The following TEX11 variants were observed in gnomAD, a reference collection of about 807,000 sequenced individuals.
TEX11 encodes testis expressed 11, also known as testis-expressed protein 11.
In TEX11, 7 loss-of-function variants were observed where a neutral mutation model predicts 84.4. That is an observed-to-expected ratio of 0.08 (90% CI 0.05 to 0.16). TEX11 has a LOEUF of 0.16. Among genes scored for constraint, TEX11 ranks in the 10% least tolerant of loss-of-function variants. TEX11 has a pLI of 1.00. For missense variants in TEX11, 551 were observed against 660.5 expected, an observed-to-expected ratio of 0.83 and a Z score of 1.82; for synonymous variants, 264 against 222.8, an observed-to-expected ratio of 1.18 and a Z score of -1.64.
intron 9 of TEX11, among the ~76,000 whole-genome samples, chrX:70,752,361 C>T (rs979492929): frequency 2.8e-5 from 3 of 108,533 alleles, no homozygotes; most frequent in African/African-American, 1.0e-4. Context: ...CCCTTCTCTA[C>T]CAAAAATACA....
intron 16 of TEX11, among the ~76,000 whole-genome samples, chrX:70,659,062 A>C (rs1276947072): frequency 8.9e-6 from 1 of 112,259 alleles, no homozygotes; most frequent in Non-Finnish European, 1.9e-5. Flanking sequence ...TTAACTCAAC[A>C]TGGATTAAAG....
At chrX:70,826,288 G>A (rs1167531356) in intron 8 of TEX11, among the ~76,000 whole-genome samples, 1 of 105,786 alleles carries the variant, frequency 9.5e-6, no homozygotes, top group Non-Finnish European at 1.9e-5. Context: ...TCCAGCCTGG[G>A]CAACAAGAGC....
chrX:70,719,760 C>T (rs1451248831), intron 13 of TEX11, among the ~76,000 whole-genome samples: 3 of 111,875 alleles, frequency 2.7e-5, no homozygotes, highest in South Asian at 3.7e-4. Context: ...CCAAAAGATA[C>T]GTGAAAAAAT....
intron 20 of TEX11, among the ~76,000 whole-genome samples, chrX:70,611,254 G>C (rs1335798824): frequency 1.8e-5 from 2 of 112,053 alleles, no homozygotes; most frequent in East Asian, 5.6e-4. Context: ...TGAAAAATTA[G>C]TAACTCTTCT....
Position 70,662,076 on chromosome X carries a change from G to A in TEX11, c.1380+8301C>T, listed in dbSNP as rs181409638. ...ACGATCAAACTACTCCGAGCTAAAG[G>A]AGGACATTCAAACCCATGGCAAATA... On this transcript the variant is annotated intron_variant, in intron 16 of 29. Coordinates refer to ENST00000374333, the MANE Select transcript of TEX11 (RefSeq NM_031276.3). Among the ~76,000 whole-genome samples, 569 of 111,653 alleles carry A rather than the reference G, an allele frequency of 5.1e-3. 4 individuals carry two copies. Among genetic ancestry groups the A allele is most frequent in the African/African-American group, 0.018 (539 of 30,704 alleles).
chrX:70,870,684 T>A (rs1399377245), intron 4 of TEX11, among the ~76,000 whole-genome samples: 1 of 111,814 alleles, frequency 8.9e-6, no homozygotes, highest in Non-Finnish European at 1.9e-5. Context: ...CTATCCCTAT[T>A]CTTTTTATTT....
At chrX:70,840,743 T>C (rs1368269458) in intron 7 of TEX11, among the ~76,000 whole-genome samples, 7 of 111,704 alleles carry the variant, frequency 6.3e-5, no homozygotes, top group Admixed American at 3.8e-4. Context: ...CCATCTCATG[T>C]GCAGAGACAC....
chrX:70,743,248 T>G (rs2090745481), intron 10 of TEX11, among the ~76,000 whole-genome samples: 1 of 112,234 alleles, frequency 8.9e-6, no homozygotes, highest in East Asian at 2.8e-4. Context: ...GGATAATATT[T>G]CATTGTAGTC....
intron 15 of TEX11, among the ~76,000 whole-genome samples, chrX:70,678,553 A>T (rs770977998): frequency 1.0e-4 from 11 of 110,084 alleles, no homozygotes; most frequent in African/African-American, 3.3e-4. Context: ...TTACATTCTT[A>T]TATCTTAATA....
At chrX:70,630,809 G>T (rs2089502925) in intron 17 of TEX11, among the ~76,000 whole-genome samples, 1 of 111,898 alleles carries the variant, frequency 8.9e-6, no homozygotes, top group African/African-American at 3.2e-5. Context: ...AAAATTGATT[G>T]AAAGAAGAGG....
At chrX:70,661,496 C>G (rs2089926848) in intron 16 of TEX11, among the ~76,000 whole-genome samples, 1 of 112,367 alleles carries the variant, frequency 8.9e-6, no homozygotes, top group Non-Finnish European at 1.9e-5. Flanking sequence ...GCAGACTTAA[C>G]TGTCCCTGTC....
intron 11 of TEX11, among the ~76,000 whole-genome samples, chrX:70,732,299 G>T (rs2090659182): frequency 9.0e-6 from 1 of 111,492 alleles, no homozygotes; most frequent in Non-Finnish European, 1.9e-5. Context: ...GGAAGTTCTG[G>T]CCGGGGCAAT....
intron 20 of TEX11, among the ~76,000 whole-genome samples, chrX:70,614,533 G>A (rs1411212859): frequency 2.7e-5 from 3 of 112,024 alleles, no homozygotes; most frequent in African/African-American, 6.5e-5. Flanking sequence ...TTTGACTGCC[G>A]TCCCTGGCTC....
chrX:70,805,273 C>G (rs1054553849), intron 9 of TEX11, among the ~76,000 whole-genome samples: 1 of 111,310 alleles, frequency 9.0e-6, no homozygotes, highest in Non-Finnish European at 1.9e-5. Flanking sequence ...TGACAAACAT[C>G]ATATTCACAA....
At chrX:70,681,405 GTTTAC>G (rs1338141729) in intron 14 of TEX11, among the ~76,000 whole-genome samples, 3 of 112,315 alleles carry the variant, frequency 2.7e-5, no homozygotes, top group Non-Finnish European at 5.6e-5. Context: ...TCAACTGGCA[GTTTAC>G]TTTCTTTAAA....
At chrX:70,889,180 C>T (rs189123436) in intron 2 of TEX11, among the ~76,000 whole-genome samples, 116 of 110,819 alleles carry the variant, frequency 1.0e-3, no homozygotes, top group African/African-American at 3.6e-3. Flanking sequence ...CTTTGGGAGG[C>T]CGAGGTGGGT....
chrX:70,731,959 T>C (rs1200238870), intron 11 of TEX11, among the ~76,000 whole-genome samples: 1 of 111,897 alleles, frequency 8.9e-6, no homozygotes, highest in African/African-American at 3.3e-5. Flanking sequence ...TCCACCATGA[T>C]CAAGTGGACT....
At chrX:70,811,310 A>C (rs1569447211) in intron 8 of TEX11, among the ~76,000 whole-genome samples, 1 of 110,541 alleles carries the variant, frequency 9.0e-6, no homozygotes, top group Non-Finnish European at 1.9e-5. Context: ...TTTGCTGAGA[A>C]TGATGGTTTC....
intron 13 of TEX11, among the ~76,000 whole-genome samples, chrX:70,702,709 C>T (rs1252053418): frequency 1.8e-5 from 2 of 111,672 alleles, no homozygotes; most frequent in Non-Finnish European, 3.8e-5. Flanking sequence ...TTCTCCCCAC[C>T]ATCCCTAATT....
Sources: allele counts gnomAD v4.1 joint callset (sites outside exome capture counted in the v4.1 genomes callset), GRCh38; gene constraint gnomAD v4.1.1; transcripts MANE v1.5; gene names NCBI Gene and HGNC (gene_info 2026-07-23, HGNC 2026-07-21).